The following SOCS5 variants were observed in gnomAD, a reference collection of about 807,000 sequenced individuals.
The protein encoded by SOCS5 is suppressor of cytokine signaling 5.
SOCS5 carries 32 observed loss-of-function variants against 42.8 expected under a neutral mutation model. The observed-to-expected ratio is 0.75, with a 90% CI of 0.56 to 1.01. The LOEUF is 1.01. Among genes scored for constraint, SOCS5 ranks in the 50% least tolerant of loss-of-function variants. The probability of loss-of-function intolerance (pLI) is 0.00; values close to 1 mark genes in which losing one functional copy is unlikely to be tolerated. For missense variants in SOCS5, 627 were observed against 653.0 expected (o/e 0.96, Z 0.43); for synonymous variants, 283 against 229.6 (o/e 1.23, Z -2.10).
intron 1 of SOCS5, among the ~76,000 whole-genome samples, chr2:46,718,151 G>C (rs995802612): frequency 2.0e-4 from 30 of 152,072 alleles, no homozygotes; most frequent in African/African-American, 7.0e-4. Flanking sequence ...AGAAAGCCAG[G>C]GCATTTGTGA....
At chr2:46,715,520 T>A (rs916715659) in intron 1 of SOCS5, among the ~76,000 whole-genome samples, 2 of 152,228 alleles carry the variant, frequency 1.3e-5, no homozygotes, top group African/African-American at 4.8e-5. Context: ...ACATTTCCTG[T>A]AGTTCAACAT....
chr2:46,742,897 CT>C (rs1673410334), intron 1 of SOCS5, among the ~76,000 whole-genome samples: 1 of 152,118 alleles, frequency 6.6e-6, no homozygotes, highest in African/African-American at 2.4e-5. Flanking sequence ...AACTCCTGAC[CT>C]TGTGACCTGC....
intron 1 of SOCS5, among the ~76,000 whole-genome samples, chr2:46,704,399 G>A (rs1290160445): frequency 6.6e-6 from 1 of 152,228 alleles, no homozygotes; most frequent in African/African-American, 2.4e-5. Flanking sequence ...TGATGGAATG[G>A]AAATGATACG....
rs1672919349 is a variant in SOCS5, at chr2:46,723,173, TA to T, written c.-13+23726del. ...TTTTAATTTGGTGAAGTCCAGTTCA[TA>T]ATTTTTTTTTCTTTTATGGGTGGTA... On this transcript the variant is annotated intron_variant, in intron 1 of 1. Coordinates refer to ENST00000394861, the MANE Select transcript of SOCS5 (RefSeq NM_144949.3). 2.6e-5 allele frequency among the ~76,000 whole-genome samples: 4 copies of T among 152,222 alleles called. No homozygotes were observed. In the South Asian group the frequency reaches 8.3e-4, roughly 32 times the overall value.
chr2:46,729,407 T>C (rs1673064864), intron 1 of SOCS5, among the ~76,000 whole-genome samples: 2 of 152,216 alleles, frequency 1.3e-5, no homozygotes, highest in South Asian at 2.1e-4. Flanking sequence ...TCGACCATCA[T>C]AGACAAGACT....
chr2:46,716,367 ATTTTTTTTTTTTTT>A (rs35187667), intron 1 of SOCS5, among the ~76,000 whole-genome samples: 1,050 of 17,168 alleles, frequency 0.061, 31 homozygotes, highest in African/African-American at 0.086. Flanking sequence ...GAGTGTCTTC[ATTTTTTTTTTTTTT>A]TTTTTTTTTT....
Position 46,725,447 on chromosome 2 carries a change from C to T in SOCS5, c.-13+25998C>T, listed in dbSNP as rs1050476503. Reference sequence around the variant, plus strand: ...CTTTGTTTATTGTTCCTCTTTTCCCCCTTCCTGCTGTCTTTTGAGTTATTT... The same window carrying T: ...CTTTGTTTATTGTTCCTCTTTTCCCTCTTCCTGCTGTCTTTTGAGTTATTT... On this transcript the variant is annotated intron_variant, in intron 1 of 1. Coordinates refer to ENST00000394861, the MANE Select transcript of SOCS5 (RefSeq NM_144949.3). Among the ~76,000 whole-genome samples the T allele has an allele frequency of 3.3e-5, 5 of 151,926 alleles. No individual in the cohort carries two copies. In the East Asian group the frequency reaches 9.6e-4, roughly 29 times the overall value.
intron 1 of SOCS5, among the ~76,000 whole-genome samples, chr2:46,705,865 A>G (rs761560243): frequency 2.0e-5 from 3 of 152,226 alleles, no homozygotes; most frequent in Non-Finnish European, 2.9e-5. Flanking sequence ...CCAAGCCAGC[A>G]AGGAGAAGCT....
chr2:46,740,077 C>A (rs1046143377), intron 1 of SOCS5, among the ~76,000 whole-genome samples: 2 of 152,106 alleles, frequency 1.3e-5, no homozygotes, highest in African/African-American at 4.8e-5. Context: ...TGGATAAGAC[C>A]TTTTGTTATT....
intron 1 of SOCS5, among the ~76,000 whole-genome samples, chr2:46,727,076 A>G (rs1052723197): frequency 1.4e-5 from 2 of 147,708 alleles, no homozygotes; most frequent in Non-Finnish European, 1.5e-5. Flanking sequence ...ATTCTGTTCT[A>G]TTTAATGGCT....
chr2:46,721,263 T>C (rs1215933872), intron 1 of SOCS5, among the ~76,000 whole-genome samples: 1 of 152,172 alleles, frequency 6.6e-6, no homozygotes, highest in Non-Finnish European at 1.5e-5. Flanking sequence ...TAGTACTTTA[T>C]TATGCACAGT....
chr2:46,724,012 G>T (rs1480511737), intron 1 of SOCS5, among the ~76,000 whole-genome samples: 1 of 151,888 alleles, frequency 6.6e-6, no homozygotes, highest in Non-Finnish European at 1.5e-5. Flanking sequence ...CATTATTTCA[G>T]AGCTATTATG....
chr2:46,739,290 C>T (rs919258500), intron 1 of SOCS5, among the ~76,000 whole-genome samples: 2 of 151,970 alleles, frequency 1.3e-5, no homozygotes, highest in African/African-American at 2.4e-5. Context: ...AATGATAGTT[C>T]GAAAGGTAAT....
At chr2:46,730,838 A>G (rs1003149893) in intron 1 of SOCS5, among the ~76,000 whole-genome samples, 47 of 152,258 alleles carry the variant, frequency 3.1e-4, no homozygotes, top group African/African-American at 1.1e-3. Flanking sequence ...ATTAGTAGGT[A>G]TATTCAGATA....
chr2:46,746,922 C>CTTTTTTTTTTTTTTTTTTTTTTTCT (rs11373537), intron 1 of SOCS5, among the ~76,000 whole-genome samples: 2 of 70,792 alleles, frequency 2.8e-5, no homozygotes, highest in Non-Finnish European at 5.7e-5. Context: ...GACTTTATTT[C>CTTTTTTTTTTTTTTTTTTTTTTTCT]TTTTTTTTTT....
At chr2:46,744,820 G>C (rs912229294) in intron 1 of SOCS5, among the ~76,000 whole-genome samples, 4 of 151,538 alleles carry the variant, frequency 2.6e-5, no homozygotes, top group Admixed American at 1.3e-4. Flanking sequence ...GAGCCACCGC[G>C]CCCGGCTGTA....
At chr2:46,701,346 C>T (rs1386226552) in intron 1 of SOCS5, among the ~76,000 whole-genome samples, 1 of 152,056 alleles carries the variant, frequency 6.6e-6, no homozygotes, top group Non-Finnish European at 1.5e-5. Flanking sequence ...GAATGGGAGG[C>T]TTGGAAAAAA....
chr2:46,706,463 A>C (rs775184282), intron 1 of SOCS5, among the ~76,000 whole-genome samples: 3 of 152,204 alleles, frequency 2.0e-5, no homozygotes, highest in Non-Finnish European at 2.9e-5. Flanking sequence ...GATGGTATCT[A>C]AATACTTTGA....
At chr2:46,737,866 A>C (rs1034470482) in intron 1 of SOCS5, among the ~76,000 whole-genome samples, 1 of 152,152 alleles carries the variant, frequency 6.6e-6, no homozygotes, top group Non-Finnish European at 1.5e-5. Flanking sequence ...TAAAAAAAAA[A>C]AAAATTGGGA....
Sources: allele counts gnomAD v4.1 joint callset (sites outside exome capture counted in the v4.1 genomes callset), GRCh38; gene constraint gnomAD v4.1.1; transcripts MANE v1.5; gene names NCBI Gene and HGNC (gene_info 2026-07-23, HGNC 2026-07-21).